The following ZSWIM6 variants were observed in gnomAD, a reference collection of about 807,000 sequenced individuals.
The protein encoded by ZSWIM6 is zinc finger SWIM-type containing 6, also known as zinc finger SWIM domain-containing protein 6.
ZSWIM6 carries 9 observed loss-of-function variants against 113.2 expected under a neutral mutation model. The ratio of observed to expected loss-of-function variants is 0.08; its 90% CI spans 0.05 to 0.14. ZSWIM6 has a LOEUF of 0.14. ZSWIM6 is among the 10% of genes least tolerant of loss of function. ZSWIM6 has a pLI of 1.00. For missense variants in ZSWIM6, 1,162 were observed against 1,552.2 expected (o/e 0.75, Z 4.22); for synonymous variants, 611 against 606.5 (o/e 1.01, Z -0.11).
At chr5:61,484,451 A>G (rs1747961314) in intron 2 of ZSWIM6, among the ~76,000 whole-genome samples, 1 of 152,208 alleles carries the variant, frequency 6.6e-6, no homozygotes, top group Non-Finnish European at 1.5e-5. Context: ...TGTGAAGAGG[A>G]TAAGGAGGGA....
At chr5:61,498,773 G>A (rs1748386989) in intron 4 of ZSWIM6, among the ~76,000 whole-genome samples, 1 of 152,100 alleles carries the variant, frequency 6.6e-6, no homozygotes, top group African/African-American at 2.4e-5. Flanking sequence ...AAAAACATAT[G>A]CTTAAGTCAC....
intron 1 of ZSWIM6, among the ~76,000 whole-genome samples, chr5:61,376,462 A>C (rs1234149920): frequency 2.0e-5 from 3 of 149,710 alleles, no homozygotes; most frequent in Non-Finnish European, 4.4e-5. Context: ...GGCTACCAGC[A>C]GTCTTGCCCT....
intron 1 of ZSWIM6, among the ~76,000 whole-genome samples, chr5:61,349,059 G>A (rs1365001796): frequency 1.3e-5 from 2 of 152,176 alleles, no homozygotes; most frequent in African/African-American, 2.4e-5. Context: ...CATCTTTGAT[G>A]AAGGAAGCAT....
At chr5:61,501,937 A>G (rs941747375) in intron 4 of ZSWIM6, among the ~76,000 whole-genome samples, 19 of 152,318 alleles carry the variant, frequency 1.2e-4, no homozygotes, top group African/African-American at 3.8e-4. Flanking sequence ...AAGAGATAGT[A>G]CTGACCGCAC....
chr5:61,390,687 G>A, intron 1 of ZSWIM6: 1 of 860,068 alleles, frequency 1.2e-6, no homozygotes, highest in Admixed American at 1.7e-5. Flanking sequence ...TTCTTCCTTT[G>A]CAATTCGGTC....
chr5:61,528,035 T>C (rs1749332277), intron 7 of ZSWIM6, among the ~76,000 whole-genome samples: 2 of 152,150 alleles, frequency 1.3e-5, no homozygotes, highest in South Asian at 4.1e-4. Flanking sequence ...TATGAAAACT[T>C]TTATTTCCAA....
chr5:61,494,134 A>G (rs1320852542), intron 3 of ZSWIM6, 126 bp from the exon 4 acceptor site: 1 of 1,035,930 alleles, frequency 9.7e-7, no homozygotes, highest in African/African-American at 1.6e-5. Flanking sequence ...ACACACACAC[A>G]CACACACACA....
At chr5:61,497,123 AAG>A (rs1491522990) in intron 4 of ZSWIM6, among the ~76,000 whole-genome samples, 3 of 151,892 alleles carry the variant, frequency 2.0e-5, no homozygotes, top group Admixed American at 6.6e-5. Context: ...AAAAAAAAAA[AAG>A]ATTCCTGGCA....
At chr5:61,537,781 T>G (rs917668836) in intron 10 of ZSWIM6, among the ~76,000 whole-genome samples, 2 of 152,218 alleles carry the variant, frequency 1.3e-5, no homozygotes, top group African/African-American at 4.8e-5. Context: ...TTATCTTATT[T>G]CATAGTTCTT....
At chr5:61,333,619 C>T (rs1163832709) in intron 1 of ZSWIM6, among the ~76,000 whole-genome samples, 1 of 151,510 alleles carries the variant, frequency 6.6e-6, no homozygotes, top group Admixed American at 6.6e-5. Context: ...TTTCTTTGCG[C>T]CTCCTCAGTC....
intron 1 of ZSWIM6, among the ~76,000 whole-genome samples, chr5:61,470,937 A>G (rs1309027902): frequency 1.3e-5 from 2 of 152,218 alleles, no homozygotes; most frequent in Non-Finnish European, 2.9e-5. Context: ...TGGACTCTGC[A>G]TGGGAAGACA....
chr5:61,348,220 A>G (rs1397489017), intron 1 of ZSWIM6, among the ~76,000 whole-genome samples: 1 of 152,180 alleles, frequency 6.6e-6, no homozygotes, highest in Non-Finnish European at 1.5e-5. Flanking sequence ...GACTGTCTCA[A>G]AAAAACAAAA....
intron 1 of ZSWIM6, among the ~76,000 whole-genome samples, chr5:61,336,187 C>G (rs570611418): frequency 6.6e-6 from 1 of 151,718 alleles, no homozygotes; most frequent in South Asian, 2.1e-4. Context: ...TCACTTGAGC[C>G]CAGGAGGCAG....
chr5:61,377,246 G>A (rs1256110183), intron 1 of ZSWIM6, among the ~76,000 whole-genome samples: 1 of 151,900 alleles, frequency 6.6e-6, no homozygotes, highest in Non-Finnish European at 1.5e-5. Context: ...AAATAAAGTT[G>A]GATCTATAAT....
chr5:61,450,805 A>T (rs1747070877), intron 1 of ZSWIM6, among the ~76,000 whole-genome samples: 1 of 152,194 alleles, frequency 6.6e-6, no homozygotes. Context: ...GCCCGTGCTC[A>T]ATGGAGAAAT....
Position 61,525,949 on chromosome 5 carries a change from G to T in ZSWIM6, c.1663G>T (p.Asp555Tyr). ...YHDDTENSLF[D>Y]SRGWPLWHEH... ...TGACGACACTGAAAACTCCCTCTTC[G>T]ACTCCCGCGGGTGGCCCCTCTGGCA... The change falls in exon 6 of 14, where the codon GAC becomes TAC. Residue 555 changes from aspartate to tyrosine, a missense_variant. Asp to Tyr is a radical substitution (Grantham distance 160, BLOSUM62 -3). Coordinates refer to ENST00000252744, the MANE Select transcript of ZSWIM6 (RefSeq NM_020928.2). 6.4e-7 allele frequency: 1 copy of T among 1,552,064 alleles called. No homozygotes were observed. Among genetic ancestry groups the T allele is most frequent in the Non-Finnish European group, 8.7e-7 (1 of 1,147,038 alleles).
intron 1 of ZSWIM6, among the ~76,000 whole-genome samples, chr5:61,435,496 A>G (rs563186160): frequency 5.9e-5 from 9 of 152,350 alleles, no homozygotes; most frequent in African/African-American, 1.9e-4. Flanking sequence ...GTGTTTTACT[A>G]CTGCAGTGGC....
chr5:61,539,536 A>G, intron 11 of ZSWIM6, 60 bp from the exon 12 acceptor site: 2 of 1,488,330 alleles, frequency 1.3e-6, no homozygotes, highest in Admixed American at 2.3e-5. Context: ...ATTTTTGTTT[A>G]TTTGTTTGTC....
At chr5:61,526,802 T>C (rs892648033) in intron 7 of ZSWIM6, among the ~76,000 whole-genome samples, 3 of 152,210 alleles carry the variant, frequency 2.0e-5, no homozygotes, top group African/African-American at 7.2e-5. Flanking sequence ...CCTTAGGCAA[T>C]CAGTTGACGT....
Sources: gnomAD v4.1 joint callset for allele counts (sites outside exome capture counted in the v4.1 genomes callset) on GRCh38, gnomAD v4.1.1 for gene constraint, MANE v1.5 for transcripts, NCBI Gene and HGNC (gene_info 2026-07-23, HGNC 2026-07-21) for gene names.